ANO10: variants seen among roughly 807,000 people sequenced by gnomAD.
ANO10 encodes anoctamin-10.
Under a neutral mutation model 74.7 loss-of-function variants are expected in ANO10, and 77 were observed. The ratio of observed to expected loss-of-function variants is 1.03; its 90% CI spans 0.86 to 1.25. The LOEUF is 1.25. ANO10 is among the 50% of genes most tolerant of loss of function. ANO10 has a pLI of 0.00. For missense variants in ANO10, 721 were observed against 778.1 expected, an observed-to-expected ratio of 0.93 and a Z score of 0.87; for synonymous variants, 279 against 284.9, an observed-to-expected ratio of 0.98 and a Z score of 0.21.
chr3:43,472,477 A>G (rs1445730466), intron 11 of ANO10: 2 of 152,158 alleles, frequency 1.3e-5, no homozygotes, highest in African/African-American at 4.8e-5. Flanking sequence ...ACACCAAAAA[A>G]GAGGGTCTGA....
chr3:43,647,981 G>A (rs753652381), intron 1 of ANO10, among the ~76,000 whole-genome samples: 16 of 151,978 alleles, frequency 1.1e-4, no homozygotes, highest in East Asian at 5.8e-4. Context: ...TTTGGCTGTC[G>A]TGCCCAACTC....
At position 43,421,977 on chromosome 3, in the gene ANO10, A is replaced by G. The variant is rs541604035; in HGVS notation, c.1914+10634T>C. Among the ~76,000 whole-genome samples the G allele has an allele frequency of 3.0e-4, 46 of 152,386 alleles. No homozygotes were observed. In the South Asian group the frequency reaches 8.1e-3, roughly 27 times the overall value. On this transcript the variant is annotated intron_variant, in intron 12 of 12. Transcript: ENST00000292246. ...TAAAAAGTAAATAAATGGATACATAAGCCAATCCTAGGCATTTACCTGCAA... is the reference window on the plus strand; with the variant it reads ...TAAAAAGTAAATAAATGGATACATAGGCCAATCCTAGGCATTTACCTGCAA...
rs144545405 is a variant in ANO10 at position 43,412,541 on chromosome 3, C to T, written c.1914+20070G>A. Among the ~76,000 whole-genome samples the T allele has an allele frequency of 1.2e-3, 183 of 152,278 alleles. 1 individual carries two copies. The highest frequency in any genetic ancestry group is 0.01 in the East Asian group (53 of 5,184). On this transcript the variant is annotated intron_variant, in intron 12 of 12. Transcript: ENST00000292246. ...AAGCTGTTCCCATTCCAGAGTGCGC[C>T]CTGGCACTTCCGAAGCAACTGCTCA...
chr3:43,401,222 C>T (rs1470088512), intron 12 of ANO10, among the ~76,000 whole-genome samples: 3 of 152,122 alleles, frequency 2.0e-5, no homozygotes, highest in Admixed American at 1.3e-4. Flanking sequence ...TTATGAAGGA[C>T]GTGCTAGGGT....
chr3:43,532,941 T>C (rs1354982322), intron 11 of ANO10, among the ~76,000 whole-genome samples: 3 of 152,198 alleles, frequency 2.0e-5, no homozygotes, highest in South Asian at 2.1e-4. Context: ...CTGTTCTGCA[T>C]GGCACAAACG....
intron 12 of ANO10, among the ~76,000 whole-genome samples, chr3:43,431,539 C>T (rs1453954311): frequency 6.6e-6 from 1 of 152,032 alleles, no homozygotes; most frequent in South Asian, 2.1e-4. Flanking sequence ...CATTATTGGG[C>T]ATGATGCTGG....
chr3:43,460,673 G>T (rs2075337684), intron 11 of ANO10, among the ~76,000 whole-genome samples: 1 of 152,144 alleles, frequency 6.6e-6, no homozygotes, highest in African/African-American at 2.4e-5. Flanking sequence ...CTTGAGAAAA[G>T]TCTTCATGAA....
intron 11 of ANO10, among the ~76,000 whole-genome samples, chr3:43,457,571 C>A (rs947062777): frequency 6.6e-6 from 1 of 152,172 alleles, no homozygotes; most frequent in African/African-American, 2.4e-5. Flanking sequence ...ATTCAATCAC[C>A]TCCCTCCCTC....
At chr3:43,477,013 T>C (rs1261275713) in intron 11 of ANO10, among the ~76,000 whole-genome samples, 1 of 152,210 alleles carries the variant, frequency 6.6e-6, no homozygotes, top group Non-Finnish European at 1.5e-5. Context: ...AAGTAATGTG[T>C]ATACATAGTT....
chr3:43,552,726 A>ATATGTATGTATG (rs1182501393), intron 10 of ANO10, among the ~76,000 whole-genome samples: 8 of 95,598 alleles, frequency 8.4e-5, no homozygotes, highest in African/African-American at 2.4e-4. Context: ...ATATATATAT[A>ATATGTATGTATG]TATGTATGTA....
intron 11 of ANO10, among the ~76,000 whole-genome samples, chr3:43,477,702 C>G (rs551001063): frequency 2.6e-5 from 4 of 152,208 alleles, no homozygotes; most frequent in Admixed American, 1.3e-4. Context: ...ATCCCCTATA[C>G]TGTCAGTCGA....
In ANO10 at chr3:43,428,796, C is replaced by CAAAAAAAAAAAAAAAAAAA. The variant is rs56213626; in HGVS notation, c.1914+3796_1914+3814dup. 4.1e-4 allele frequency among the ~76,000 whole-genome samples: 23 copies of CAAAAAAAAAAAAAAAAAAA among 55,424 alleles called. 8 individuals are homozygous for CAAAAAAAAAAAAAAAAAAA. Among genetic ancestry groups the CAAAAAAAAAAAAAAAAAAA allele is most frequent in the Non-Finnish European group, 6.8e-4 (21 of 31,072 alleles). The allele number at this position is 55,424 out of a possible 152,430, so 36.4% of individuals were successfully genotyped here. A position where few individuals can be genotyped will look rare whatever the true frequency, so the allele number is the denominator to read the frequency against. On this transcript the variant is annotated intron_variant, in intron 12 of 12. Transcript: ENST00000292246. The stretch of plus-strand genomic sequence containing the variant: ...CCAAAATCCTGAAACTTTGTGAATG[C>CAAAAAAAAAAAAAAAAAAA]AAAAAAAAAAAAAAAAAAAAAAGTC...
intron 12 of ANO10, among the ~76,000 whole-genome samples, chr3:43,397,602 C>T (rs1408051078): frequency 6.6e-6 from 1 of 152,182 alleles, no homozygotes; most frequent in African/African-American, 2.4e-5. Flanking sequence ...TCGTGTATTC[C>T]GATTTTCCTA....
At chr3:43,561,578 A>G (rs1330899384) in intron 8 of ANO10, among the ~76,000 whole-genome samples, 176 bp from the exon 9 acceptor site, 2 of 152,244 alleles carry the variant, frequency 1.3e-5, no homozygotes, top group East Asian at 3.8e-4. Context: ...CTAGTATTAG[A>G]AAAGCTAGGT....
chr3:43,684,897 C>A (rs1016627123), intron 1 of ANO10, among the ~76,000 whole-genome samples: 4 of 151,936 alleles, frequency 2.6e-5, no homozygotes, highest in Non-Finnish European at 4.4e-5. Context: ...CACATGGATG[C>A]AGGAAGGGGA....
intron 11 of ANO10, among the ~76,000 whole-genome samples, chr3:43,523,480 A>G (rs1559646443): frequency 6.6e-6 from 1 of 152,216 alleles, no homozygotes. Flanking sequence ...CCTGGATGCC[A>G]GTTAAGAACA....
At chr3:43,555,583 C>T (rs906727438) in intron 9 of ANO10, 114 bp from the exon 10 acceptor site, 11 of 1,004,348 alleles carry the variant, frequency 1.1e-5, no homozygotes, top group Middle Eastern at 2.3e-4. Flanking sequence ...AAAGAGTTTC[C>T]CCACCATACA....
intron 11 of ANO10, among the ~76,000 whole-genome samples, chr3:43,512,790 C>T (rs557311792): frequency 6.6e-6 from 1 of 151,980 alleles, no homozygotes; most frequent in African/African-American, 2.4e-5. Flanking sequence ...AAACAACAAC[C>T]AAAAAACAAG....
intron 12 of ANO10, among the ~76,000 whole-genome samples, chr3:43,381,189 T>A (rs1350072191): frequency 6.6e-6 from 1 of 152,042 alleles, no homozygotes; most frequent in Non-Finnish European, 1.5e-5. Flanking sequence ...CAAGATGAGA[T>A]CTGGGCCAGG....
Sources: gnomAD v4.1 joint callset for allele counts (sites outside exome capture counted in the v4.1 genomes callset) on GRCh38, gnomAD v4.1.1 for gene constraint, MANE v1.5 for transcripts, NCBI Gene and HGNC (gene_info 2026-07-23, HGNC 2026-07-21) for gene names.